The following TRIM51G variants were observed in gnomAD, a reference collection of about 807,000 sequenced individuals.
TRIM51G encodes the protein tripartite motif-containing 51G, also known as tripartite motif-containing protein 51G.
the TRIM51G span, chr11:48,980,794 CT>C: frequency 3.4e-5 from 13 of 384,876 alleles, no homozygotes; most frequent in African/African-American, 2.6e-4. Flanking sequence ...GTGTTTTTTC[CT>C]TGTTTGTTGA....
chr11:48,975,505 T>A, the TRIM51G span: 1 of 1,387,952 alleles, frequency 7.2e-7, no homozygotes, highest in South Asian at 1.2e-5. Flanking sequence ...TGGTCAGAAG[T>A]GACTACAGCA....
the TRIM51G span, among the ~76,000 whole-genome samples, chr11:48,983,328 C>T: frequency 6.7e-6 from 1 of 149,782 alleles, no homozygotes; most frequent in African/African-American, 2.5e-5. Flanking sequence ...CCTTTAGTAT[C>T]ACCATTTTTA....
chr11:48,975,683 A>G, the TRIM51G span: 1 of 1,495,196 alleles, frequency 6.7e-7, no homozygotes, highest in Non-Finnish European at 9.3e-7. Flanking sequence ...GAGGTGGTAA[A>G]GAGACTGCAG....
At chr11:48,978,009 G>C in the TRIM51G span, 1 of 449,530 alleles carries the variant, frequency 2.2e-6, no homozygotes, top group Non-Finnish European at 4.5e-6. Flanking sequence ...CATGGGGTGG[G>C]GGATGGAGAA....
the TRIM51G span, chr11:48,979,044 AAT>A: frequency 1.0e-6 from 1 of 971,004 alleles, no homozygotes; most frequent in Non-Finnish European, 1.7e-6. Context: ...TTCATGGAAA[AAT>A]GCAACCATCT....
the TRIM51G span, chr11:48,975,783 A>G: frequency 6.4e-7 from 1 of 1,562,374 alleles, no homozygotes; most frequent in Non-Finnish European, 8.8e-7. Context: ...AATAATTGTT[A>G]CAGACACCAA....
the TRIM51G span, among the ~76,000 whole-genome samples, chr11:48,978,332 A>T: frequency 6.6e-6 from 1 of 152,100 alleles, no homozygotes; most frequent in African/African-American, 2.4e-5. Flanking sequence ...TATGTCATGA[A>T]TTTATGTCCT....
chr11:48,978,333 T>A, the TRIM51G span, among the ~76,000 whole-genome samples: 1 of 152,170 alleles, frequency 6.6e-6, no homozygotes, highest in Non-Finnish European at 1.5e-5. Context: ...ATGTCATGAA[T>A]TTATGTCCTG....
the TRIM51G span, chr11:48,981,305 A>T: frequency 3.7e-6 from 6 of 1,606,120 alleles, no homozygotes; most frequent in Non-Finnish European, 5.1e-6. Context: ...TCAGCAGCCC[A>T]CTCAGTGGGA....
chr11:48,979,315 T>C, the TRIM51G span, among the ~76,000 whole-genome samples: 1 of 152,188 alleles, frequency 6.6e-6, no homozygotes, highest in East Asian at 1.9e-4. Flanking sequence ...AAATGTTTTC[T>C]AAGATAGTTG....
At chr11:48,977,484 A>T in the TRIM51G span, among the ~76,000 whole-genome samples, 1 of 152,074 alleles carries the variant, frequency 6.6e-6, no homozygotes, top group African/African-American at 2.4e-5. Flanking sequence ...TCCAGACCTC[A>T]CCAGAAATTC....
the TRIM51G span, chr11:48,981,063 TA>T: frequency 1.3e-6 from 1 of 752,014 alleles, no homozygotes; most frequent in Non-Finnish European, 2.2e-6. Context: ...CACACTCTGA[TA>T]TACGAAGGAC....
chr11:48,976,743 T>C, the TRIM51G span, among the ~76,000 whole-genome samples: 1 of 152,120 alleles, frequency 6.6e-6, no homozygotes, highest in African/African-American at 2.4e-5. Flanking sequence ...TCAAATGAAA[T>C]ACAGTAAAGC....
At chr11:48,979,669 A>G in the TRIM51G span, among the ~76,000 whole-genome samples, 2 of 152,062 alleles carry the variant, frequency 1.3e-5, no homozygotes, top group African/African-American at 4.8e-5. Context: ...TTCTATAACT[A>G]GAATTATTTT....
At chr11:48,978,188 C>G in the TRIM51G span, 3 of 532,058 alleles carry the variant, frequency 5.6e-6, no homozygotes, top group Admixed American at 5.9e-5. Context: ...AGGCTTAGTG[C>G]TTTCCACAAG....
At chr11:48,977,999 C>A in the TRIM51G span, 341 of 434,742 alleles carry the variant, frequency 7.8e-4, no homozygotes, top group African/African-American at 6.6e-3. Flanking sequence ...TAGATGACTA[C>A]ATGGGGTGGG....
the TRIM51G span, among the ~76,000 whole-genome samples, chr11:48,977,813 C>T: frequency 6.6e-6 from 1 of 151,988 alleles, no homozygotes; most frequent in Non-Finnish European, 1.5e-5. Context: ...AATATGAAGG[C>T]TTTTGAGCAA....
chr11:48,975,908 G>A, the TRIM51G span: 1 of 775,104 alleles, frequency 1.3e-6, no homozygotes, highest in South Asian at 1.3e-5. Context: ...TTGGGATCAT[G>A]TTGAGGGTCA....
At chr11:48,977,584 C>T in the TRIM51G span, among the ~76,000 whole-genome samples, 1 of 152,128 alleles carries the variant, frequency 6.6e-6, no homozygotes, top group Admixed American at 6.5e-5. Context: ...AAACGTGCTC[C>T]AGGCAGGGAG....
Sources: allele counts gnomAD v4.1 joint callset (sites outside exome capture counted in the v4.1 genomes callset), GRCh38; gene constraint gnomAD v4.1.1; transcripts MANE v1.5; gene names NCBI Gene and HGNC (gene_info 2026-07-23, HGNC 2026-07-21).